The following RASSF8 variants were observed in gnomAD, a reference collection of about 807,000 sequenced individuals.
RASSF8 encodes Ras association domain family member 8, also known as ras association domain-containing protein 8.
In RASSF8, 22 loss-of-function variants were observed where a neutral mutation model predicts 48.5. The ratio of observed to expected loss-of-function variants is 0.45; its 90% CI spans 0.32 to 0.65. The LOEUF is 0.65. Ranked by LOEUF, RASSF8 falls within the 30% of genes least tolerant of loss-of-function variation. The probability of loss-of-function intolerance (pLI) is 0.03; values close to 1 mark genes in which losing one functional copy is unlikely to be tolerated. For missense variants in RASSF8, 418 were observed against 489.2 expected (o/e 0.85, Z 1.37); for synonymous variants, 127 against 171.5 (o/e 0.74, Z 2.03).
chr12:26,063,649 C>T (rs1374290416), intron 3 of RASSF8, among the ~76,000 whole-genome samples: 2 of 152,106 alleles, frequency 1.3e-5, no homozygotes, highest in Admixed American at 1.3e-4. Context: ...GTCTGCCCAC[C>T]TTTGCCTCCC....
chr12:26,048,149 A>G (rs1301167592), intron 2 of RASSF8, among the ~76,000 whole-genome samples: 1 of 152,226 alleles, frequency 6.6e-6, no homozygotes, highest in African/African-American at 2.4e-5. Context: ...ATATTTAAAA[A>G]TGGATGCTGA....
chr12:26,066,710 C>A (rs896393824), intron 4 of RASSF8, among the ~76,000 whole-genome samples: 1 of 152,142 alleles, frequency 6.6e-6, no homozygotes, highest in Non-Finnish European at 1.5e-5. Context: ...TCCCCAAGTA[C>A]CCCCTACACT....
intron 2 of RASSF8, among the ~76,000 whole-genome samples, chr12:26,045,791 G>A (rs900620182): frequency 7.2e-5 from 11 of 152,158 alleles, no homozygotes; most frequent in Admixed American, 1.3e-4. Flanking sequence ...ATTGCAAAAT[G>A]TTAAATATTA....
chr12:26,068,911 T>G lies in RASSF8; in HGVS notation c.*93T>G. 1 of 1,490,538 alleles carries G rather than the reference T, an allele frequency of 6.7e-7. No individual in the cohort carries two copies. Among genetic ancestry groups the G allele is most frequent in the Non-Finnish European group, 8.9e-7 (1 of 1,123,226 alleles). 92.3% of individuals were successfully genotyped at this position (1,490,538 alleles called of 1,614,324 possible). On this transcript the variant is annotated 3_prime_UTR_variant, in exon 6 of 6. Transcript: ENST00000689635. ...TGCCAATGATGAACAGAGGATCTAT[T>G]CCACAAGACGCTGTATGTTTTTTCT...
chr12:26,002,062 A>C (rs1009086864), intron 2 of RASSF8, among the ~76,000 whole-genome samples: 1 of 152,248 alleles, frequency 6.6e-6, no homozygotes, highest in Admixed American at 6.5e-5. Flanking sequence ...TAATGGGGCT[A>C]TATGTGGTCC....
At chr12:25,978,432 T>C (rs1438093818) in intron 1 of RASSF8, among the ~76,000 whole-genome samples, 1 of 152,252 alleles carries the variant, frequency 6.6e-6, no homozygotes, top group African/African-American at 2.4e-5. Context: ...TAATTATATA[T>C]GTACTACATA....
intron 1 of RASSF8, among the ~76,000 whole-genome samples, chr12:25,965,542 A>G (rs568067119): frequency 6.6e-6 from 1 of 151,900 alleles, no homozygotes; most frequent in South Asian, 2.1e-4. Context: ...ATGTATTTTT[A>G]GTAGAGACTG....
chr12:26,066,556 T>C (rs1943878969), intron 4 of RASSF8, among the ~76,000 whole-genome samples: 1 of 152,228 alleles, frequency 6.6e-6, no homozygotes. Flanking sequence ...TATTTTACTA[T>C]TGGGATTCAT....
intron 2 of RASSF8, among the ~76,000 whole-genome samples, chr12:26,023,373 T>C (rs1189410820): frequency 1.3e-5 from 2 of 151,520 alleles, no homozygotes; most frequent in African/African-American, 4.9e-5. Flanking sequence ...AAAGAGAAAA[T>C]CTTAAAAAGC....
chr12:25,989,418 G>A lies in RASSF8; in HGVS notation c.-202-5619G>A, dbSNP rs573109578. Reference sequence around the variant, plus strand: ...CCCTCTTTCTTTCTGATTCAAATTGGAATGATAGAAGACACCTAAATAATA... The same window carrying A: ...CCCTCTTTCTTTCTGATTCAAATTGAAATGATAGAAGACACCTAAATAATA... On this transcript the variant is annotated intron_variant, in intron 1 of 5. Transcript: ENST00000689635. Among the ~76,000 whole-genome samples, 75 of 150,932 alleles carry A rather than the reference G, an allele frequency of 5.0e-4. No individual in the cohort carries two copies. The Middle Eastern group carries it at 0.014, about 28-fold the overall frequency.
rs1471555824 is a variant in RASSF8, at chr12:26,040,941, G to A, written c.-108-14295G>A. 4.6e-5 allele frequency among the ~76,000 whole-genome samples: 7 copies of A among 151,064 alleles called. No homozygotes were observed. In the South Asian group the frequency reaches 1.5e-3, roughly 32 times the overall value. On this transcript the variant is annotated intron_variant, in intron 2 of 5. Coordinates refer to ENST00000689635, the MANE Select transcript of RASSF8 (RefSeq NM_001394098.1). ...CTTGCTCTGTCTCCCAGGCTGGAGAGCAGTGGCGTGATCTCAGCTCACTGC... is the reference window on the plus strand; with the variant it reads ...CTTGCTCTGTCTCCCAGGCTGGAGAACAGTGGCGTGATCTCAGCTCACTGC...
intron 2 of RASSF8, chr12:26,053,034 A>C (rs955599625): frequency 2.6e-5 from 4 of 152,190 alleles, no homozygotes; most frequent in African/African-American, 9.7e-5. Flanking sequence ...CGAAATGGGC[A>C]GTTGCTTGTA....
intron 5 of RASSF8, 144 bp from the exon 6 acceptor site, chr12:26,068,552 TC>T (rs1943932563): frequency 3.1e-6 from 2 of 639,222 alleles, no homozygotes; most frequent in Admixed American, 3.0e-5. Flanking sequence ...TTTAGCCTTC[TC>T]CCCCAGCCCA....
At chr12:26,057,873 G>A (rs1197976584) in intron 3 of RASSF8, among the ~76,000 whole-genome samples, 1 of 152,178 alleles carries the variant, frequency 6.6e-6, no homozygotes, top group East Asian at 1.9e-4. Context: ...TTTCTCTGAT[G>A]GACAGTGATG....
intron 2 of RASSF8, among the ~76,000 whole-genome samples, chr12:26,009,530 C>T (rs1942473291): frequency 6.6e-6 from 1 of 152,126 alleles, no homozygotes; most frequent in Non-Finnish European, 1.5e-5. Flanking sequence ...ATTTCCAAGT[C>T]ATGAGACTGG....
At chr12:25,998,424 G>A (rs549866416) in intron 2 of RASSF8, among the ~76,000 whole-genome samples, 4 of 148,634 alleles carry the variant, frequency 2.7e-5, no homozygotes, top group Non-Finnish European at 5.9e-5. Flanking sequence ...ATCTTGGCTC[G>A]CCGCAACCTC....
chr12:26,070,801 A>G lies in RASSF8; in HGVS notation c.*1983A>G, dbSNP rs1943983202. ...CGCATTTTCTTTAAGTCAAAATGTT[A>G]AACTGGAGGCAGTATTAAACTTTGC... is the stretch of plus-strand genomic sequence containing the variant. On this transcript the variant is annotated 3_prime_UTR_variant, in exon 6 of 6. Coordinates refer to ENST00000689635, the MANE Select transcript of RASSF8 (RefSeq NM_001394098.1). 1 of 983,054 alleles carries G rather than the reference A, an allele frequency of 1.0e-6. No individual in the cohort carries two copies. The allele number at this position is 983,054 out of a possible 1,614,324, so 60.9% of individuals were successfully genotyped here. A position where few individuals can be genotyped will look rare whatever the true frequency, so the allele number is the denominator to read the frequency against.
At chr12:26,075,563 T>C (rs1410220486), downstream of RASSF8, among the ~76,000 whole-genome samples, 1 of 152,154 alleles carries the variant, frequency 6.6e-6, no homozygotes, top group Non-Finnish European at 1.5e-5. Flanking sequence ...CCACTCTCTT[T>C]TATCTGCCAT....
At chr12:26,025,741 C>T (rs1942897877) in intron 2 of RASSF8, among the ~76,000 whole-genome samples, 1 of 151,876 alleles carries the variant, frequency 6.6e-6, no homozygotes, top group Non-Finnish European at 1.5e-5. Flanking sequence ...TTTCTATATA[C>T]TATCAGTAAA....
Sources: allele counts gnomAD v4.1 joint callset (sites outside exome capture counted in the v4.1 genomes callset), GRCh38; gene constraint gnomAD v4.1.1; transcripts MANE v1.5; gene names NCBI Gene and HGNC (gene_info 2026-07-23, HGNC 2026-07-21).